Variants in ZNF34 observed in about 807,000 individuals in gnomAD.
The protein encoded by ZNF34 is zinc finger protein 34 (KOX 32).
In ZNF34, 8 loss-of-function variants were observed where a neutral mutation model predicts 14.4. The ratio of observed to expected loss-of-function variants is 0.55; its 90% CI spans 0.33 to 1.00. The LOEUF is 1.00. ZNF34 is among the 50% of genes least tolerant of loss of function. The pLI is 0.03. For synonymous variants in ZNF34, 235 were observed against 247.9 expected, an observed-to-expected ratio of 0.95 and a Z score of 0.49; for missense variants, 538 against 674.2, an observed-to-expected ratio of 0.80 and a Z score of 2.24.
intron 5 of ZNF34, 147 bp from the exon 6 acceptor site, chr8:144,774,752 G>T: frequency 2.2e-6 from 2 of 895,536 alleles, no homozygotes; most frequent in Non-Finnish European, 3.4e-6. Flanking sequence ...GAGCTCAGAG[G>T]CTTATGCAGC....
In ZNF34 at chr8:144,773,065, T is replaced by A. The variant is rs1825258438; in HGVS notation, c.*201A>T. 1 of 555,230 alleles carries A rather than the reference T, an allele frequency of 1.8e-6. No individual in the cohort carries two copies. The highest frequency in any genetic ancestry group is 2.9e-6 in the Non-Finnish European group (1 of 341,178). The allele number at this position is 555,230 out of a possible 1,614,324, so 34.4% of individuals were successfully genotyped here. ...AGTGGGAGAGATCACAGAAGCTTCT[T>A]TTTTGCCCACTTTTCTGTCTCAATT... On this transcript the variant is annotated 3_prime_UTR_variant, in exon 6 of 6. Coordinates refer to ENST00000429371, the MANE Select transcript of ZNF34 (RefSeq NM_001286769.2). This position sits in a 1 kb window ranked among gnomAD's most constrained non-coding sequence, Gnocchi z 5.4.
chr8:144,777,792 G>A lies in ZNF34; in HGVS notation c.161-215C>T, dbSNP rs921049410. On this transcript the variant is annotated intron_variant, in intron 4 of 5. Transcript: ENST00000429371. The surrounding 1 kb of genome is among the most constrained non-coding windows in gnomAD (Gnocchi z 4.8). The stretch of plus-strand genomic sequence containing the variant: ...CCTCCACTAGGAGGTATGCAACTCC[G>A]CCCCCCCGGTGTCCCCCGCCCTACC... Among the ~76,000 whole-genome samples, 3 of 151,906 alleles carry A rather than the reference G, an allele frequency of 2.0e-5. No individual in the cohort carries two copies. The South Asian group carries it at 6.2e-4, about 32-fold the overall frequency.
chr8:144,786,881 C>G (rs1056465694), intron 1 of ZNF34, among the ~76,000 whole-genome samples: 3 of 152,020 alleles, frequency 2.0e-5, no homozygotes, highest in Admixed American at 6.5e-5. Flanking sequence ...ACGAGCCCCG[C>G]CCCTGAAAAG....
rs1825261687 is a variant in ZNF34, at chr8:144,773,129, A to C, written c.*137T>G. 1.1e-6 allele frequency: 1 copy of C among 946,056 alleles called. No homozygotes were observed. The highest frequency in any genetic ancestry group is 1.5e-6 in the Non-Finnish European group (1 of 676,792). 58.6% of individuals were successfully genotyped at this position (946,056 alleles called of 1,614,324 possible). A position where few individuals can be genotyped will look rare whatever the true frequency, so the allele number is the denominator to read the frequency against. ...CATGCACTGCTTTTGATTTAAGAAA[A>C]GAGGTTTGTTTAATGAGAAACGTCC... On this transcript the variant is annotated 3_prime_UTR_variant, in exon 6 of 6. Coordinates refer to ENST00000429371, the MANE Select transcript of ZNF34 (RefSeq NM_001286769.2). This position sits in a 1 kb window ranked among gnomAD's most constrained non-coding sequence, Gnocchi z 5.4.
intron 1 of ZNF34, among the ~76,000 whole-genome samples, chr8:144,785,106 C>CAAAAAAAAA (rs749277788): frequency 2.4e-4 from 12 of 50,036 alleles, no homozygotes; most frequent in African/African-American, 6.1e-4. Flanking sequence ...CAGACCCTGC[C>CAAAAAAAAA]AAAAAAAAAA....
chr8:144,781,497 CTG>C (rs1232635493), intron 1 of ZNF34, among the ~76,000 whole-genome samples: 1 of 152,034 alleles, frequency 6.6e-6, no homozygotes, highest in Non-Finnish European at 1.5e-5. Flanking sequence ...ACCTTGTGAT[CTG>C]CCCGCCTTGG....
At chr8:144,782,756 G>A (rs2130303798) in intron 1 of ZNF34, among the ~76,000 whole-genome samples, 1 of 139,980 alleles carries the variant, frequency 7.1e-6, no homozygotes, top group East Asian at 2.4e-4. Context: ...AGGATCGCTT[G>A]AGCCCAGGAG....
rs749404978 is a variant in ZNF34 at position 144,773,697 on chromosome 8, G to A, written c.1189C>T (p.Pro397Ser). Reference sequence around the variant, plus strand: ...TTCTCACATTCATTACATTTATAGGGTTTCTCTCCAGTGTGAATTCTCTGA... The same window carrying A: ...TTCTCACATTCATTACATTTATAGGATTTCTCTCCAGTGTGAATTCTCTGA... Reference protein sequence around the residue: ...QHQRIHTGEKPYKCNECEKAF... With the variant: ...QHQRIHTGEKSYKCNECEKAF... The change falls in exon 6 of 6, where the codon CCC becomes TCC. Residue 397 changes from proline to serine, a missense_variant. This residue lies in a region of ZNF34 where 431 missense variants were observed against 525.7 expected (regional missense o/e 0.82). Transcript: ENST00000429371. The surrounding 1 kb of genome is among the most constrained non-coding windows in gnomAD (Gnocchi z 5.4). The A allele has an allele frequency of 6.2e-7, 1 of 1,613,912 alleles. No individual in the cohort carries two copies. Among genetic ancestry groups the A allele is most frequent in the East Asian group, 2.2e-5 (1 of 44,880 alleles).
At chr8:144,775,088 C>T (rs1825423041) in intron 5 of ZNF34, among the ~76,000 whole-genome samples, 1 of 152,240 alleles carries the variant, frequency 6.6e-6, no homozygotes, top group Non-Finnish European at 1.5e-5. Flanking sequence ...CCATGAAGCA[C>T]TCAGCCCAGT....
Position 144,773,288 on chromosome 8 carries a change from A to C in ZNF34, c.1598T>G (p.Leu533Arg). The change falls in exon 6 of 6, where the codon CTC becomes CGC. Residue 533 changes from leucine to arginine, a missense_variant. By Grantham distance (102) the Leu-to-Arg change is moderately radical (BLOSUM62 -2). Around this residue, in one of 3 missense-constraint regions of ZNF34, gnomAD observed 101 missense variants for 123.1 expected, o/e 0.82. Transcript: ENST00000429371. The surrounding 1 kb of genome is among the most constrained non-coding windows in gnomAD (Gnocchi z 5.4). Reference sequence around the variant, plus strand: ...CTGTTACATGGAGAAGTCCTCCCGGAGGTGAATCCGCTGATGCTGACACAT... The same window carrying C: ...CTGTTACATGGAGAAGTCCTCCCGGCGGTGAATCCGCTGATGCTGACACAT... ...SNMCQHQRIH[L>R]REDFSM 1 of 1,610,080 alleles carries C rather than the reference A, an allele frequency of 6.2e-7. No individual in the cohort carries two copies. Among genetic ancestry groups the C allele is most frequent in the Non-Finnish European group, 8.5e-7 (1 of 1,176,810 alleles).
In ZNF34 at chr8:144,774,515, C is replaced by T. The variant is rs1825377287; in HGVS notation, c.371G>A (p.Cys124Tyr). The T allele has an allele frequency of 6.2e-7, 1 of 1,613,900 alleles. No homozygotes were observed. The highest frequency in any genetic ancestry group is 1.3e-5 in the African/African-American group (1 of 74,936). ...DPQGSEPVEA[C>Y]DHISKSEGSL... ...CCCCTCTGACTTACTGATGTGGTCA[C>T]AGGCTTCTACTGGCTCAGATCCCTG... Residue 124 changes from cysteine to tyrosine, a missense_variant, in exon 6 of 6, where the codon TGT becomes TAT. Cys to Tyr is a radical substitution (Grantham distance 194). Coordinates refer to ENST00000429371, the MANE Select transcript of ZNF34 (RefSeq NM_001286769.2).
Position 144,777,951 on chromosome 8 carries a change from C to G in ZNF34, c.160+87G>C. 3 of 1,561,374 alleles carry G rather than the reference C, an allele frequency of 1.9e-6. No individual in the cohort carries two copies. The highest frequency in any genetic ancestry group is 2.6e-6 in the Non-Finnish European group (3 of 1,150,156). On this transcript the variant is annotated intron_variant, in intron 4 of 5. Coordinates refer to ENST00000429371, the MANE Select transcript of ZNF34 (RefSeq NM_001286769.2). This position sits in a 1 kb window ranked among gnomAD's most constrained non-coding sequence, Gnocchi z 4.8. ...GATAAAGGTCATCACCTATCTGTGC[C>G]CAGGGGGTGAGGCCCCTAGCCCAGC...
At position 144,772,275 on chromosome 8, in the gene ZNF34, A is replaced by T. The variant is rs547663667; in HGVS notation, c.*991T>A. On this transcript the variant is annotated 3_prime_UTR_variant, in exon 6 of 6. Transcript: ENST00000429371. ...TCCTAGAATAGGCAAATTCAAAGAGACAGAAAATAGAATTGAGGTTACCAG... is the reference window on the plus strand; with the variant it reads ...TCCTAGAATAGGCAAATTCAAAGAGTCAGAAAATAGAATTGAGGTTACCAG... 6.6e-6 allele frequency among the ~76,000 whole-genome samples: 1 copy of T among 152,304 alleles called. No homozygotes were observed. Among genetic ancestry groups the T allele is most frequent in the Admixed American group, 6.5e-5 (1 of 15,298 alleles).
At chr8:144,775,810 G>A (rs918134761) in intron 5 of ZNF34, among the ~76,000 whole-genome samples, 1 of 151,622 alleles carries the variant, frequency 6.6e-6, no homozygotes, top group Non-Finnish European at 1.5e-5. Context: ...TATTTCTATA[G>A]ATATTTACAT....
In ZNF34 at chr8:144,777,958, G is replaced by T; in HGVS notation, c.160+80C>A. The T allele has an allele frequency of 6.4e-7, 1 of 1,570,964 alleles. No individual in the cohort carries two copies. The highest frequency in any genetic ancestry group is 8.7e-7 in the Non-Finnish European group (1 of 1,155,802). ...GTCATCACCTATCTGTGCCCAGGGG[G>T]TGAGGCCCCTAGCCCAGCCTCTGCT... On this transcript the variant is annotated intron_variant, in intron 4 of 5. Transcript: ENST00000429371. The surrounding 1 kb of genome is among the most constrained non-coding windows in gnomAD (Gnocchi z 4.8).
intron 1 of ZNF34, among the ~76,000 whole-genome samples, chr8:144,780,644 C>A (rs1825807753): frequency 6.6e-6 from 1 of 151,910 alleles, no homozygotes; most frequent in Admixed American, 6.6e-5. Flanking sequence ...CAAAAATTAG[C>A]CGGGCGTGGT....
At chr8:144,775,648 T>C (rs796885632) in intron 5 of ZNF34, among the ~76,000 whole-genome samples, 21 of 152,288 alleles carry the variant, frequency 1.4e-4, no homozygotes, top group African/African-American at 4.6e-4. Flanking sequence ...CAGCCTCTTG[T>C]GACAGGAGTC....
rs1182869924 is a variant in ZNF34, at chr8:144,773,804, C to A, written c.1082G>T (p.Arg361Leu). 6.2e-7 allele frequency: 1 copy of A among 1,613,882 alleles called. No individual in the cohort carries two copies. The highest frequency in any genetic ancestry group is 1.3e-5 in the African/African-American group (1 of 74,882). Residue 361 changes from arginine (R) to leucine (L), a missense_variant, in exon 6 of 6, where the codon CGT becomes CTT. This residue lies in a region of ZNF34 where 431 missense variants were observed against 525.7 expected (regional missense o/e 0.82). Coordinates refer to ENST00000429371, the MANE Select transcript of ZNF34 (RefSeq NM_001286769.2). The surrounding 1 kb of genome is among the most constrained non-coding windows in gnomAD (Gnocchi z 5.4). ...TGGCTTCTCTCCGGTGTGAGTCCGA[C>A]GATGTCGGATAAGGATTGAGCCATC... ...FSDGSILIRH[R>L]RTHTGEKPFE...
In ZNF34 at chr8:144,774,323, T is replaced by A. The variant is rs780666218; in HGVS notation, c.563A>T (p.Tyr188Phe). 4 of 1,612,540 alleles carry A rather than the reference T, an allele frequency of 2.5e-6. No homozygotes were observed. The highest frequency in any genetic ancestry group is 3.4e-6 in the Non-Finnish European group (4 of 1,179,120). The change falls in exon 6 of 6, where the codon TAT becomes TTT. Residue 188 changes from tyrosine (Y) to phenylalanine (F), a missense_variant. Around this residue, in one of 3 missense-constraint regions of ZNF34, gnomAD observed 431 missense variants for 525.7 expected, o/e 0.82. Transcript: ENST00000429371. ...ICEQSFEQRS[Y>F]LNNHKRVHRS... ...GTGTACACGCTTATGGTTGTTGAGA[T>A]ATGATCTCTGTTCAAAACTTTGCTC...
Sources: allele counts gnomAD v4.1 joint callset (sites outside exome capture counted in the v4.1 genomes callset), GRCh38; gene constraint gnomAD v4.1.1; regional missense constraint gnomAD v4.1.1; non-coding constraint Gnocchi (gnomAD v3.1); transcripts MANE v1.5; gene names NCBI Gene and HGNC (gene_info 2026-07-23, HGNC 2026-07-21).